SETD7: variants seen among roughly 807,000 people sequenced by gnomAD.
SETD7 encodes histone-lysine N-methyltransferase SETD7.
In SETD7, 16 loss-of-function variants were observed where a neutral mutation model predicts 41.8. The ratio of observed to expected loss-of-function variants is 0.38; its 90% CI spans 0.26 to 0.58. The LOEUF is 0.58. Among genes scored for constraint, SETD7 ranks in the 20% least tolerant of loss-of-function variants. The pLI, the probability that SETD7 is intolerant of heterozygous loss-of-function variation, is 0.64. For missense variants in SETD7, 346 were observed against 459.7 expected, an observed-to-expected ratio of 0.75 and a Z score of 2.26; for synonymous variants, 163 against 169.7, an observed-to-expected ratio of 0.96 and a Z score of 0.31.
At chr4:139,546,504 T>C in intron 2 of SETD7, 1 of 306,990 alleles carries the variant, frequency 3.3e-6, no homozygotes, top group South Asian at 3.0e-5. Flanking sequence ...TGTGTGACCC[T>C]TGGAAAAAAG....
chr4:139,533,499 T>C, intron 2 of SETD7, 133 bp from the exon 3 acceptor site: 1 of 707,204 alleles, frequency 1.4e-6, no homozygotes, highest in Non-Finnish European at 2.4e-6. Context: ...CCTCCTAAAT[T>C]ATCATCGACT....
At chr4:139,548,231 A>G (rs1006303997) in intron 1 of SETD7, 9 of 152,248 alleles carry the variant, frequency 5.9e-5, no homozygotes, top group African/African-American at 2.2e-4. Flanking sequence ...AGGCAACACA[A>G]ACCATACTAC....
rs567474541 is a variant in SETD7, at chr4:139,507,488, T to C, written c.*4175A>G. 2.0e-5 allele frequency: 3 copies of C among 152,786 alleles called. No homozygotes were observed. In the East Asian group the frequency reaches 5.8e-4, roughly 29 times the overall value. 9.5% of individuals were successfully genotyped at this position (152,786 alleles called of 1,614,324 possible). ...ACATCTCAATAGACTCAGATAATTC[T>C]CACCAAAATTTTTGTAATGTGTTTA... On this transcript the variant is annotated 3_prime_UTR_variant, in exon 8 of 8. Transcript: ENST00000274031.
chr4:139,529,328 G>A, intron 3 of SETD7, 108 bp from the exon 4 acceptor site: 1 of 809,208 alleles, frequency 1.2e-6, no homozygotes, highest in Non-Finnish European at 1.9e-6. Flanking sequence ...GCACCAGTAG[G>A]GATAATAACA....
chr4:139,529,354 G>C (rs377280854), intron 3 of SETD7, 134 bp from the exon 4 acceptor site: 1 of 614,882 alleles, frequency 1.6e-6, no homozygotes. Flanking sequence ...GGAACCCAGA[G>C]CTTTTCACCT....
intron 4 of SETD7, among the ~76,000 whole-genome samples, chr4:139,523,754 C>T (rs142544123): frequency 6.4e-4 from 98 of 152,296 alleles, no homozygotes; most frequent in Non-Finnish European, 1.8e-4. Context: ...GATCTCTTGG[C>T]TCAGATCAAA....
chr4:139,511,933 C>G, intron 7 of SETD7, 90 bp from the exon 8 acceptor site: 1 of 1,506,874 alleles, frequency 6.6e-7, no homozygotes, highest in South Asian at 1.3e-5. Context: ...GAATCACCCC[C>G]AGGCACTCTT....
At chr4:139,539,814 T>C (rs1441311511) in intron 2 of SETD7, among the ~76,000 whole-genome samples, 2 of 152,150 alleles carry the variant, frequency 1.3e-5, no homozygotes, top group Non-Finnish European at 2.9e-5. Flanking sequence ...TATAAAAAGA[T>C]ATTAGAAAGC....
intron 1 of SETD7, among the ~76,000 whole-genome samples, chr4:139,548,462 C>T (rs1728021050): frequency 6.6e-6 from 1 of 152,104 alleles, no homozygotes; most frequent in Admixed American, 6.6e-5. Flanking sequence ...GAAACCCCGT[C>T]TTTACTAAAA....
chr4:139,525,925 T>C (rs113297993), intron 4 of SETD7, among the ~76,000 whole-genome samples: 90 of 152,312 alleles, frequency 5.9e-4, no homozygotes, highest in African/African-American at 2.0e-3. Flanking sequence ...CTATTCAACA[T>C]TTCAAAACAC....
Position 139,509,099 on chromosome 4 carries a change from T to A in SETD7, c.*2564A>T, listed in dbSNP as rs575075678. The A allele has an allele frequency of 5.2e-4, 80 of 152,452 alleles. No individual in the cohort carries two copies. The highest frequency in any genetic ancestry group is 1.8e-3 in the African/African-American group (76 of 41,470). 9.4% of individuals were successfully genotyped at this position (152,452 alleles called of 1,614,324 possible). ...CAGAGCCAGAGAGACTCAAGAAAGG[T>A]CAGTGCAGGGGACTTGGAACAGGGA... On this transcript the variant is annotated 3_prime_UTR_variant, in exon 8 of 8. Coordinates refer to ENST00000274031, the MANE Select transcript of SETD7 (RefSeq NM_030648.4).
intron 1 of SETD7, among the ~76,000 whole-genome samples, chr4:139,547,696 A>C (rs940664914): frequency 6.6e-6 from 1 of 152,244 alleles, no homozygotes; most frequent in Non-Finnish European, 1.5e-5. Context: ...ACAGAAACCC[A>C]GAGTCCTTCT....
intron 2 of SETD7, among the ~76,000 whole-genome samples, chr4:139,540,223 C>T (rs1727744554): frequency 6.6e-6 from 1 of 152,152 alleles, no homozygotes; most frequent in South Asian, 2.1e-4. Flanking sequence ...TTCAGGGAGG[C>T]CAAATAGCTA....
At chr4:139,543,098 GT>G (rs1232958025) in intron 2 of SETD7, among the ~76,000 whole-genome samples, 1 of 152,124 alleles carries the variant, frequency 6.6e-6, no homozygotes, top group African/African-American at 2.4e-5. Context: ...TCAATACAAA[GT>G]TTTTGTCTCC....
At chr4:139,501,850 C>T (rs1316672227), downstream of SETD7, among the ~76,000 whole-genome samples, 2 of 152,150 alleles carry the variant, frequency 1.3e-5, no homozygotes, top group Admixed American at 6.5e-5. Flanking sequence ...CGGCAGGTCC[C>T]GAAGAGTCAG....
chr4:139,555,555 G>A lies in SETD7; in HGVS notation c.40+543C>T. Among the ~76,000 whole-genome samples the A allele has an allele frequency of 6.6e-6, 1 of 152,122 alleles. No individual in the cohort carries two copies. The highest frequency in any genetic ancestry group is 1.5e-5 in the Non-Finnish European group (1 of 68,004). On this transcript the variant is annotated intron_variant, in intron 1 of 7. Transcript: ENST00000274031. This position sits in a 1 kb window ranked among gnomAD's most constrained non-coding sequence, Gnocchi z 4.0. ...CATCTTTTCGGAAGAGCTGCCGCCT[G>A]GGCCGCGGCTGCCACGTGCCTGGTC...
intron 4 of SETD7, 128 bp downstream of exon 4, chr4:139,528,903 A>G (rs963157855): frequency 3.1e-5 from 25 of 809,206 alleles, no homozygotes; most frequent in Non-Finnish European, 4.6e-5. Flanking sequence ...GTTATGCAAT[A>G]AAACCTGACT....
intron 4 of SETD7, among the ~76,000 whole-genome samples, chr4:139,527,141 C>A (rs1164352367): frequency 6.6e-6 from 1 of 152,164 alleles, no homozygotes; most frequent in Non-Finnish European, 1.5e-5. Context: ...GCCTATTGCC[C>A]CTAGGCTCCA....
chr4:139,522,741 C>CTTTTTTTTTTTTTTTTTTTTTTT (rs11357611), intron 5 of SETD7, among the ~76,000 whole-genome samples: 3 of 93,450 alleles, frequency 3.2e-5, no homozygotes, highest in Non-Finnish European at 1.9e-5. Flanking sequence ...CCCAGCTGCT[C>CTTTTTTTTTTTTTTTTTTTTTTT]TTTTTTTTTT....
Sources: allele counts gnomAD v4.1 joint callset (sites outside exome capture counted in the v4.1 genomes callset), GRCh38; gene constraint gnomAD v4.1.1; non-coding constraint Gnocchi (gnomAD v3.1); transcripts MANE v1.5; gene names NCBI Gene and HGNC (gene_info 2026-07-23, HGNC 2026-07-21).